FAM20B: variants seen among roughly 807,000 people sequenced by gnomAD.
FAM20B encodes FAM20B glycosaminoglycan xylosylkinase.
A neutral mutation model predicts 43.8 loss-of-function variants in FAM20B; 23 were observed. The ratio of observed to expected loss-of-function variants is 0.53; its 90% confidence interval spans 0.38 to 0.74. The LOEUF (loss-of-function observed/expected upper bound fraction) is 0.74. Among genes scored for constraint, FAM20B ranks in the 30% least tolerant of loss-of-function variants. FAM20B has a pLI of 0.00. For synonymous variants in FAM20B, 178 were observed against 192.4 expected (o/e 0.93, Z 0.62); for missense variants, 440 against 510.5 (o/e 0.86, Z 1.33).
Position 179,064,427 on chromosome 1 carries a change from G to A in FAM20B, c.869G>A (p.Arg290His), listed in dbSNP as rs1183872117. 1.2e-6 allele frequency: 2 copies of A among 1,614,090 alleles called. No individual in the cohort carries two copies. The highest frequency in any genetic ancestry group is 8.5e-7 in the Non-Finnish European group (1 of 1,179,980). Residue 290 changes from arginine (R) to histidine (H), a missense_variant, in exon 6 of 8, where the codon CGC becomes CAC. By Grantham distance (29) the Arg-to-His change is conservative (BLOSUM62 0). Transcript: ENST00000263733. ...GATTACCTGATTGGCAATGCTGACC[G>A]CCATCACTATGAGAGCTTTCAAGAT... is the stretch of plus-strand genomic sequence containing the variant. ...VFDYLIGNAD[R>H]HHYESFQDDE...
chr1:179,067,537 G>C lies in FAM20B; in HGVS notation c.998+678G>C, dbSNP rs147730868. Among the ~76,000 whole-genome samples, 1,232 of 152,256 alleles carry C rather than the reference G, an allele frequency of 8.1e-3. 16 individuals carry two copies. Among genetic ancestry groups the C allele is most frequent in the African/African-American group, 0.028 (1,176 of 41,556 alleles). ...GAGAATTGCTTGAACCTGGAAGGCA[G>C]AGGTTGCAGTGAGCCGAGATTGTGC... On this transcript the variant is annotated intron_variant, in intron 7 of 7. Coordinates refer to ENST00000263733, the MANE Select transcript of FAM20B (RefSeq NM_014864.4).
rs1338021397 is a variant in FAM20B, at chr1:179,054,529, G to A, written c.465G>A (p.Arg155=). 6.2e-7 allele frequency: 1 copy of A among 1,603,114 alleles called. No homozygotes were observed. The highest frequency in any genetic ancestry group is 8.5e-7 in the Non-Finnish European group (1 of 1,170,696). ...NAEVAAFHLD[R]ILGFHRAPLV... is the part of the protein sequence containing the mutation. The stretch of plus-strand genomic sequence containing the variant: ...TCTGTTCTTCAATCTTCCAAACCAG[G>A]ATTCTGGGTTTCCACCGAGCCCCCT... Residue 155 remains arginine, a splice_region_variant and synonymous_variant, in exon 4 of 8, where the codon AGG becomes AGA. Coordinates refer to ENST00000263733, the MANE Select transcript of FAM20B (RefSeq NM_014864.4).
intron 4 of FAM20B, among the ~76,000 whole-genome samples, chr1:179,060,704 A>G (rs1425314690): frequency 6.6e-6 from 1 of 151,612 alleles, no homozygotes; most frequent in Non-Finnish European, 1.5e-5. Flanking sequence ...GGGACCACCC[A>G]TATATATTAT....
the FAM20B span, among the ~76,000 whole-genome samples, chr1:179,020,741 A>T: frequency 1.3e-5 from 2 of 152,128 alleles, no homozygotes; most frequent in Non-Finnish European, 2.9e-5. Flanking sequence ...TTAAATTCAA[A>T]TTTTTGCAGA....
At chr1:179,052,377 A>G (rs1651044264) in intron 3 of FAM20B, among the ~76,000 whole-genome samples, 1 of 152,222 alleles carries the variant, frequency 6.6e-6, no homozygotes, top group Admixed American at 6.5e-5. Flanking sequence ...AAAGCTTAAA[A>G]AAAAGATAAT....
In FAM20B at chr1:179,075,067, C is replaced by G. The variant is rs888883789; in HGVS notation, c.*2923C>G. ...ATTAACAGGGCACGGTGGCATGCGCCTGTAGTCCCAGCTACTCGGGAGGCT... is the reference window on the plus strand; with the variant it reads ...ATTAACAGGGCACGGTGGCATGCGCGTGTAGTCCCAGCTACTCGGGAGGCT... On this transcript the variant is annotated 3_prime_UTR_variant, in exon 8 of 8. Coordinates refer to ENST00000263733, the MANE Select transcript of FAM20B (RefSeq NM_014864.4). 1 of 152,158 alleles carries G rather than the reference C, an allele frequency of 6.6e-6. No homozygotes were observed. Among genetic ancestry groups the G allele is most frequent in the Non-Finnish European group, 1.5e-5 (1 of 68,058 alleles). The allele number at this position is 152,158 out of a possible 1,614,324, so 9.4% of individuals were successfully genotyped here. A position where few individuals can be genotyped will look rare whatever the true frequency, so the allele number is the denominator to read the frequency against.
Position 179,041,967 on chromosome 1 carries a change from A to G in FAM20B, c.-133-1748A>G, listed in dbSNP as rs533990000. Among the ~76,000 whole-genome samples, 56 of 152,072 alleles carry G rather than the reference A, an allele frequency of 3.7e-4. 1 individual carries two copies. The South Asian group carries it at 0.012, about 32-fold the overall frequency. On this transcript the variant is annotated intron_variant, in intron 1 of 7. Coordinates refer to ENST00000263733, the MANE Select transcript of FAM20B (RefSeq NM_014864.4). ...TTTGGTTATTAGGCATGTGTAGCCAACCTCATGGCTCCTAGATGGCTTGCA... is the reference window on the plus strand; with the variant it reads ...TTTGGTTATTAGGCATGTGTAGCCAGCCTCATGGCTCCTAGATGGCTTGCA...
At position 179,064,059 on chromosome 1, in the gene FAM20B, ACC is replaced by A; in HGVS notation, c.709_710del (p.Pro237MetfsTer16). 6.2e-7 allele frequency: 1 copy of A among 1,614,012 alleles called. No individual in the cohort carries two copies. Among genetic ancestry groups the A allele is most frequent in the Non-Finnish European group, 8.5e-7 (1 of 1,179,952 alleles). The stretch of plus-strand genomic sequence containing the variant: ...GTGTGGCCTCTGCAGAAGCACCGTC[ACC>A]CATGGGGCAGGACTTACCGAGAAGG... On this transcript the variant is annotated frameshift_variant, in exon 5 of 8. Transcript: ENST00000263733. LOFTEE classifies it high-confidence loss of function.
At chr1:179,052,579 A>G (rs1651050015) in intron 3 of FAM20B, among the ~76,000 whole-genome samples, 1 of 152,224 alleles carries the variant, frequency 6.6e-6, no homozygotes, top group Non-Finnish European at 1.5e-5. Context: ...TCTAGGAACT[A>G]CCCTAGAGAA....
rs1303431242 is a variant in FAM20B, at chr1:179,074,888, C to T, written c.*2744C>T. 6.6e-6 allele frequency: 1 copy of T among 152,152 alleles called. No individual in the cohort carries two copies. The highest frequency in any genetic ancestry group is 1.5e-5 in the Non-Finnish European group (1 of 68,032). The allele number at this position is 152,152 out of a possible 1,614,324, so 9.4% of individuals were successfully genotyped here. A position where few individuals can be genotyped will look rare whatever the true frequency, so the allele number is the denominator to read the frequency against. On this transcript the variant is annotated 3_prime_UTR_variant, in exon 8 of 8. Transcript: ENST00000263733. ...TCAGAAAGCCCTAAAATTTCAAACA[C>T]TGTTTGAAAGAAGAGGTGGGGGCCG...
At position 179,037,479 on chromosome 1, in the gene FAM20B, C is replaced by CTTTTTTTTT. The variant is rs768903406; in HGVS notation, c.-133-6223_-133-6215dup. 4.5e-4 allele frequency among the ~76,000 whole-genome samples: 40 copies of CTTTTTTTTT among 88,366 alleles called. 4 individuals are homozygous for CTTTTTTTTT. The highest frequency in any genetic ancestry group is 5.7e-4 in the African/African-American group (12 of 21,122). The allele number at this position is 88,366 out of a possible 152,430, so 58.0% of individuals were successfully genotyped here. ...GCTTGCTTGCTTTCTGTATGTCGGT[C>CTTTTTTTTT]TTTTTTTTTTTTTTTTTTTTTGTGA... On this transcript the variant is annotated intron_variant, in intron 1 of 7. Coordinates refer to ENST00000263733, the MANE Select transcript of FAM20B (RefSeq NM_014864.4).
intron 3 of FAM20B, among the ~76,000 whole-genome samples, chr1:179,052,017 T>C (rs1425890973): frequency 6.6e-6 from 1 of 152,192 alleles, no homozygotes; most frequent in African/African-American, 2.4e-5. Context: ...ATTAGGATTT[T>C]GTAAACATAA....
intron 2 of FAM20B, among the ~76,000 whole-genome samples, chr1:179,046,886 C>T (rs1294398993): frequency 1.3e-5 from 2 of 151,898 alleles, no homozygotes; most frequent in East Asian, 1.9e-4. Context: ...ATCCCAGCTA[C>T]TCGGAAGGCT....
At chr1:179,046,502 A>G (rs1650778142) in intron 2 of FAM20B, among the ~76,000 whole-genome samples, 3 of 151,706 alleles carry the variant, frequency 2.0e-5, no homozygotes. Context: ...AATACAAAAA[A>G]TTAGCCGGGC....
At chr1:179,038,411 CAA>C (rs34979873) in intron 1 of FAM20B, among the ~76,000 whole-genome samples, 8 of 132,832 alleles carry the variant, frequency 6.0e-5, no homozygotes, top group Non-Finnish European at 8.1e-5. Flanking sequence ...AACTGCATCT[CAA>C]AAAAAAAAAA....
intron 7 of FAM20B, among the ~76,000 whole-genome samples, chr1:179,069,024 C>T (rs1254665265): frequency 6.6e-6 from 1 of 152,200 alleles, no homozygotes; most frequent in African/African-American, 2.4e-5. Flanking sequence ...ACCTTCTGTG[C>T]TGCAAGTGAG....
Position 179,044,195 on chromosome 1 carries a change from A to T in FAM20B, c.348A>T (p.Gly116=), listed in dbSNP as rs768918931. ...TQLKALLILE[G]GQKVVFKPKR... is the part of the protein sequence containing the mutation. ...TGAAAGCCTTACTGATACTTGAAGG[A>T]GGCCAGAAAGTTGTTTTCAAACCTA... Residue 116 remains glycine (G), a synonymous_variant, in exon 2 of 8, where the codon GGA becomes GGT. Transcript: ENST00000263733. 3 of 1,610,254 alleles carry T rather than the reference A, an allele frequency of 1.9e-6. No homozygotes were observed. The African/African-American group carries it at 4.0e-5, about 22-fold the overall frequency.
chr1:179,064,957 G>A (rs1352408495), intron 6 of FAM20B, among the ~76,000 whole-genome samples: 1 of 152,142 alleles, frequency 6.6e-6, no homozygotes. Context: ...TTGCTGTCAT[G>A]GGAAGAAGAG....
intron 1 of FAM20B, among the ~76,000 whole-genome samples, chr1:179,034,871 A>C (rs1650154474): frequency 6.6e-6 from 1 of 152,234 alleles, no homozygotes; most frequent in Non-Finnish European, 1.5e-5. Flanking sequence ...ATTCTACTTA[A>C]GTCATAAGAA....
Sources: gnomAD v4.1 joint callset for allele counts (sites outside exome capture counted in the v4.1 genomes callset) on GRCh38, gnomAD v4.1.1 for gene constraint, MANE v1.5 for transcripts, NCBI Gene and HGNC (gene_info 2026-07-23, HGNC 2026-07-21) for gene names.